The following PLCB4 variants were observed in gnomAD, a reference collection of about 807,000 sequenced individuals.
The protein encoded by PLCB4 is 1-phosphatidylinositol 4,5-bisphosphate phosphodiesterase beta-4.
In PLCB4, 77 loss-of-function variants were observed where a neutral mutation model predicts 178.8. That is an observed-to-expected ratio of 0.43 (90% CI 0.36 to 0.52). The LOEUF is 0.52. Ranked by LOEUF, PLCB4 falls within the 20% of genes least tolerant of loss-of-function variation. The pLI is 0.00. For synonymous variants in PLCB4, 496 were observed against 490.8 expected, an observed-to-expected ratio of 1.01 and a Z score of -0.14; for missense variants, 1,024 against 1,453.4, an observed-to-expected ratio of 0.70 and a Z score of 4.80.
intron 2 of PLCB4, among the ~76,000 whole-genome samples, chr20:9,137,925 T>C: frequency 6.6e-6 from 1 of 152,084 alleles, no homozygotes; most frequent in South Asian, 2.1e-4. Context: ...TTCAAGGAAA[T>C]CACAATGTAG....
intron 3 of PLCB4, among the ~76,000 whole-genome samples, chr20:9,271,049 G>C (rs2147618374): frequency 6.6e-6 from 1 of 152,200 alleles, no homozygotes; most frequent in Admixed American, 6.6e-5. Flanking sequence ...CAACAGCTGA[G>C]AAAAAGAAAA....
At chr20:9,367,111 C>A (rs1380396617) in intron 9 of PLCB4, among the ~76,000 whole-genome samples, 1 of 152,194 alleles carries the variant, frequency 6.6e-6, no homozygotes, top group African/African-American at 2.4e-5. Flanking sequence ...CTCCATACTC[C>A]CTTGACATTA....
At chr20:9,126,146 A>G (rs1440533123) in intron 2 of PLCB4, among the ~76,000 whole-genome samples, 1 of 152,228 alleles carries the variant, frequency 6.6e-6, no homozygotes, top group African/African-American at 2.4e-5. Context: ...ACTTCTAAGC[A>G]AGTGTTATTT....
chr20:9,293,384 G>A (rs2094599013), intron 3 of PLCB4, among the ~76,000 whole-genome samples: 2 of 141,208 alleles, frequency 1.4e-5, no homozygotes, highest in African/African-American at 2.7e-5. Context: ...GGAAAGGGAA[G>A]GAAAGGGAAG....
intron 4 of PLCB4, among the ~76,000 whole-genome samples, chr20:9,318,275 G>T (rs1242562650): frequency 6.6e-6 from 1 of 151,320 alleles, no homozygotes; most frequent in African/African-American, 2.5e-5. Flanking sequence ...GTTTTTTAAA[G>T]GCAGTTTGAG....
At chr20:9,226,427 T>A (rs1184711904) in intron 3 of PLCB4, among the ~76,000 whole-genome samples, 2 of 152,156 alleles carry the variant, frequency 1.3e-5, no homozygotes, top group African/African-American at 4.8e-5. Context: ...AAAAACTGAA[T>A]GATTTTGGTG....
intron 4 of PLCB4, among the ~76,000 whole-genome samples, chr20:9,319,898 C>G (rs2094940202): frequency 6.6e-6 from 1 of 152,128 alleles, no homozygotes; most frequent in Non-Finnish European, 1.5e-5. Flanking sequence ...TGTTTTTTAG[C>G]ACAGACAGTA....
chr20:9,130,469 G>A (rs1440380261), intron 2 of PLCB4, among the ~76,000 whole-genome samples: 1 of 152,202 alleles, frequency 6.6e-6, no homozygotes, highest in Non-Finnish European at 1.5e-5. Context: ...CGTCTAGCTG[G>A]TTTATAGTAA....
chr20:9,401,024 T>C (rs1199996246), intron 19 of PLCB4, among the ~76,000 whole-genome samples: 3 of 152,192 alleles, frequency 2.0e-5, no homozygotes, highest in African/African-American at 7.2e-5. Flanking sequence ...AAGCTATAAG[T>C]CATTATGCCC....
Position 9,457,426 on chromosome 20 carries a change from T to C in PLCB4, c.3009T>C (p.Cys1003=). ...TTTCCATTTTCAGGGGAAGTAATTG[T>C]CTCGAAATGAAAAAAGAAACAGAAA... ...KAMKKKGGSN[C]LEMKKETEIK... The change falls in exon 34 of 40, where the codon TGT becomes TGC. Residue 1003 remains cysteine, a synonymous_variant. Transcript: ENST00000378473. The C allele has an allele frequency of 6.5e-7, 1 of 1,529,982 alleles. No individual in the cohort carries two copies. Among genetic ancestry groups the C allele is most frequent in the Non-Finnish European group, 9.1e-7 (1 of 1,103,458 alleles). 94.8% of individuals were successfully genotyped at this position (1,529,982 alleles called of 1,614,324 possible).
At chr20:9,418,527 T>A (rs1320193732) in intron 25 of PLCB4, among the ~76,000 whole-genome samples, 1 of 152,142 alleles carries the variant, frequency 6.6e-6, no homozygotes, top group Non-Finnish European at 1.5e-5. Flanking sequence ...GAGTTATGTG[T>A]TTTTCTTTAT....
At chr20:9,216,269 G>A (rs554421075) in intron 2 of PLCB4, among the ~76,000 whole-genome samples, 2 of 152,162 alleles carry the variant, frequency 1.3e-5, no homozygotes, top group Admixed American at 1.3e-4. Context: ...CCAGGCTGGA[G>A]TGCAGTGGTG....
At chr20:9,366,604 C>G (rs962243494) in intron 9 of PLCB4, among the ~76,000 whole-genome samples, 1 of 152,134 alleles carries the variant, frequency 6.6e-6, no homozygotes, top group African/African-American at 2.4e-5. Context: ...GAAACTCTTT[C>G]CACAGTAGTG....
intron 1 of PLCB4, among the ~76,000 whole-genome samples, chr20:9,084,507 ATT>A (rs35866315): frequency 9.0e-5 from 10 of 110,682 alleles, no homozygotes; most frequent in Non-Finnish European, 1.9e-4. Flanking sequence ...TCTCTTTGTA[ATT>A]TTTTTTTTTG....
intron 1 of PLCB4, among the ~76,000 whole-genome samples, chr20:9,069,453 A>T (rs938112269): frequency 2.0e-5 from 3 of 151,946 alleles, no homozygotes; most frequent in Non-Finnish European, 4.4e-5. Flanking sequence ...CCAGACGTTC[A>T]CCCTCTTCTG....
chr20:9,181,371 CA>C (rs1438739001), intron 2 of PLCB4, among the ~76,000 whole-genome samples: 1 of 152,156 alleles, frequency 6.6e-6, no homozygotes, highest in Non-Finnish European at 1.5e-5. Flanking sequence ...TAGTCCCTAG[CA>C]ATCAAAAGTG....
chr20:9,379,850 G>A (rs1271086588), intron 12 of PLCB4, among the ~76,000 whole-genome samples: 1 of 152,100 alleles, frequency 6.6e-6, no homozygotes, highest in Non-Finnish European at 1.5e-5. Flanking sequence ...CTAGTTCAGG[G>A]AGAGTAACCC....
chr20:9,197,563 G>T (rs1256914771), intron 2 of PLCB4, among the ~76,000 whole-genome samples: 2 of 152,184 alleles, frequency 1.3e-5, no homozygotes, highest in Non-Finnish European at 2.9e-5. Flanking sequence ...AAAAATTTAA[G>T]TTATGCATAT....
intron 3 of PLCB4, among the ~76,000 whole-genome samples, chr20:9,259,612 A>G (rs2094276122): frequency 6.6e-6 from 1 of 152,150 alleles, no homozygotes; most frequent in Non-Finnish European, 1.5e-5. Context: ...AGGGAATGGC[A>G]TACTGTGGAG....
Sources: allele counts gnomAD v4.1 joint callset (sites outside exome capture counted in the v4.1 genomes callset), GRCh38; gene constraint gnomAD v4.1.1; transcripts MANE v1.5; gene names NCBI Gene and HGNC (gene_info 2026-07-23, HGNC 2026-07-21).